SRBD1: variants seen among roughly 807,000 people sequenced by gnomAD.
SRBD1 encodes the protein S1 RNA binding domain 1.
A neutral mutation model predicts 115.3 loss-of-function variants in SRBD1; 88 were observed. The ratio of observed to expected loss-of-function variants is 0.76; its 90% CI spans 0.64 to 0.91. The LOEUF is 0.91. Among genes scored for constraint, SRBD1 ranks in the 40% least tolerant of loss-of-function variants. The pLI is 0.00. For missense variants in SRBD1, 1,385 were observed against 1,177.4 expected, an observed-to-expected ratio of 1.18 and a Z score of -2.58; for synonymous variants, 509 against 407.7, an observed-to-expected ratio of 1.25 and a Z score of -2.99.
chr2:45,501,501 C>A (rs1418994876), intron 14 of SRBD1, among the ~76,000 whole-genome samples: 1 of 152,154 alleles, frequency 6.6e-6, no homozygotes, highest in Non-Finnish European at 1.5e-5. Flanking sequence ...CATCGCCTCA[C>A]CCAGGAAGCG....
At chr2:45,428,970 C>G (rs1410311817) in intron 16 of SRBD1, among the ~76,000 whole-genome samples, 2 of 152,108 alleles carry the variant, frequency 1.3e-5, no homozygotes, top group Non-Finnish European at 2.9e-5. Flanking sequence ...GGGATATCAC[C>G]ACTGATCCCA....
intron 16 of SRBD1, among the ~76,000 whole-genome samples, chr2:45,434,200 T>C (rs1352856098): frequency 1.3e-5 from 2 of 152,250 alleles, no homozygotes; most frequent in Admixed American, 6.5e-5. Flanking sequence ...GATTGTCTTA[T>C]TTGTTCTGCA....
At chr2:45,401,419 T>C (rs1667289288) in intron 19 of SRBD1, among the ~76,000 whole-genome samples, 1 of 152,218 alleles carries the variant, frequency 6.6e-6, no homozygotes, top group Non-Finnish European at 1.5e-5. Context: ...GAAATTAATG[T>C]AGGATAACTA....
At chr2:45,598,844 C>A (rs917398591) in intron 4 of SRBD1, among the ~76,000 whole-genome samples, 1 of 152,074 alleles carries the variant, frequency 6.6e-6, no homozygotes, top group Non-Finnish European at 1.5e-5. Flanking sequence ...ATAATTAAGT[C>A]TAAAATGGTC....
chr2:45,592,211 C>A (rs975386547), intron 4 of SRBD1, among the ~76,000 whole-genome samples: 1 of 152,174 alleles, frequency 6.6e-6, no homozygotes. Context: ...AATTAAACCA[C>A]TTTTTCTTCC....
At chr2:45,424,217 T>C (rs1050146509) in intron 16 of SRBD1, among the ~76,000 whole-genome samples, 13 of 152,154 alleles carry the variant, frequency 8.5e-5, no homozygotes, top group African/African-American at 2.7e-4. Flanking sequence ...CTGCATTTAG[T>C]TGCCTCATAC....
In SRBD1 at chr2:45,448,937, T is replaced by C. The variant is rs137972576; in HGVS notation, c.2049+28056A>G. On this transcript the variant is annotated intron_variant, in intron 16 of 20. Transcript: ENST00000263736. ...CACCTGGGGCAACTCATCTTAACTT[T>C]TACGGATATTTCCTTCAGGTTTTCC... 2.3e-3 allele frequency among the ~76,000 whole-genome samples: 352 copies of C among 152,326 alleles called. 2 individuals carry two copies. The highest frequency in any genetic ancestry group is 8.3e-3 in the African/African-American group (346 of 41,564).
chr2:45,566,718 GC>G (rs1195062709), intron 9 of SRBD1, among the ~76,000 whole-genome samples: 1 of 152,114 alleles, frequency 6.6e-6, no homozygotes, highest in Non-Finnish European at 1.5e-5. Context: ...TTTTCTTAAA[GC>G]ACTCTTTAAT....
intron 16 of SRBD1, among the ~76,000 whole-genome samples, chr2:45,461,537 T>C (rs1188589517): frequency 6.6e-6 from 1 of 152,204 alleles, no homozygotes; most frequent in East Asian, 1.9e-4. Flanking sequence ...TGCAAACTCG[T>C]TAGACAGACA....
At chr2:45,463,023 G>T (rs867615225) in intron 16 of SRBD1, among the ~76,000 whole-genome samples, 5 of 135,818 alleles carry the variant, frequency 3.7e-5, no homozygotes, top group African/African-American at 6.2e-5. Flanking sequence ...AACCCGGGGG[G>T]GGGGGGGGAA....
intron 14 of SRBD1, among the ~76,000 whole-genome samples, chr2:45,512,120 T>C (rs1670989421): frequency 6.6e-6 from 1 of 152,232 alleles, no homozygotes; most frequent in African/African-American, 2.4e-5. Context: ...CAGACCAACA[T>C]GCTTTTGTCA....
chr2:45,463,827 C>T (rs972348875), intron 16 of SRBD1, among the ~76,000 whole-genome samples: 2 of 152,002 alleles, frequency 1.3e-5, no homozygotes, highest in Non-Finnish European at 2.9e-5. Flanking sequence ...TATATGCATC[C>T]ACACATAACC....
intron 14 of SRBD1, among the ~76,000 whole-genome samples, chr2:45,506,151 T>C (rs1033624837): frequency 6.6e-6 from 1 of 152,158 alleles, no homozygotes; most frequent in Non-Finnish European, 1.5e-5. Context: ...TGTCAAGCCA[T>C]CTGGTTAGAT....
chr2:45,547,404 G>A lies in SRBD1; in HGVS notation c.1766+118C>T, dbSNP rs1004384195. On this transcript the variant is annotated intron_variant, in intron 13 of 20. Coordinates refer to ENST00000263736, the MANE Select transcript of SRBD1 (RefSeq NM_018079.5). ...AATTTGCCCCAGAACTGTTTTATATGGTTTATTGTCTCTCACAAAGGCACC... is the reference window on the plus strand; with the variant it reads ...AATTTGCCCCAGAACTGTTTTATATAGTTTATTGTCTCTCACAAAGGCACC... The A allele has an allele frequency of 4.8e-6, 4 of 825,280 alleles. No individual in the cohort carries two copies. In the Admixed American group the frequency reaches 1.1e-4, roughly 22 times the overall value. The allele number at this position is 825,280 out of a possible 1,614,324, so 51.1% of individuals were successfully genotyped here. A position where few individuals can be genotyped will look rare whatever the true frequency, so the allele number is the denominator to read the frequency against.
intron 15 of SRBD1, among the ~76,000 whole-genome samples, chr2:45,481,480 T>A (rs551736900): frequency 3.0e-4 from 45 of 152,016 alleles, no homozygotes; most frequent in Non-Finnish European, 2.9e-4. Flanking sequence ...CGTGTACATT[T>A]TGAGACAGAG....
intron 14 of SRBD1, chr2:45,546,444 T>C (rs539566795): frequency 2.8e-6 from 2 of 709,996 alleles, no homozygotes; most frequent in East Asian, 2.7e-4. Context: ...AATAGTTAAC[T>C]AGAACCCTCA....
rs374710499 is a variant in SRBD1, at chr2:45,401,869, A to T, written c.2514-8740T>A. The stretch of plus-strand genomic sequence containing the variant: ...TGTTTTTTAAATAAAACCAATGTAA[A>T]CTCTTTGCATTACAGTCACTTATTA... On this transcript the variant is annotated intron_variant, in intron 19 of 20. Transcript: ENST00000263736. 1.1e-4 allele frequency among the ~76,000 whole-genome samples: 17 copies of T among 152,146 alleles called. No homozygotes were observed. The South Asian group carries it at 3.1e-3, about 28-fold the overall frequency.
chr2:45,415,872 A>T (rs565118975), intron 18 of SRBD1, among the ~76,000 whole-genome samples: 6 of 151,692 alleles, frequency 4.0e-5, no homozygotes, highest in Admixed American at 3.3e-4. Flanking sequence ...GAGAGAGTTG[A>T]AGAGAGAAAG....
intron 14 of SRBD1, among the ~76,000 whole-genome samples, chr2:45,507,897 T>C (rs1478936796): frequency 1.3e-5 from 2 of 152,056 alleles, no homozygotes; most frequent in Non-Finnish European, 2.9e-5. Flanking sequence ...CAATTCTCAA[T>C]GCTCAGATGA....
Sources: allele counts gnomAD v4.1 joint callset (sites outside exome capture counted in the v4.1 genomes callset), GRCh38; gene constraint gnomAD v4.1.1; transcripts MANE v1.5; gene names NCBI Gene and HGNC (gene_info 2026-07-23, HGNC 2026-07-21).